The following CCDC180 variants were observed in gnomAD, a reference collection of about 807,000 sequenced individuals.
CCDC180 encodes coiled-coil domain-containing protein 180.
A neutral mutation model predicts 209.2 loss-of-function variants in CCDC180; 154 were observed. That is an observed-to-expected ratio of 0.74 (90% CI 0.65 to 0.84). CCDC180 has a LOEUF of 0.84. Ranked by LOEUF, CCDC180 falls within the 40% of genes least tolerant of loss-of-function variation. The pLI is 0.00. For missense variants in CCDC180, 1,874 were observed against 1,997.3 expected (o/e 0.94, Z 1.18); for synonymous variants, 778 against 749.1 (o/e 1.04, Z -0.63).
intron 22 of CCDC180, 97 bp from the exon 23 acceptor site, chr9:97,354,472 A>G (rs1826510351): frequency 2.5e-6 from 3 of 1,218,438 alleles, no homozygotes; most frequent in Non-Finnish European, 3.6e-6. Flanking sequence ...TCTAACCGGA[A>G]GCCTAGATTA....
At chr9:97,370,260 T>G (rs1827042743) in intron 32 of CCDC180, among the ~76,000 whole-genome samples, 178 bp downstream of exon 32, 1 of 152,096 alleles carries the variant, frequency 6.6e-6, no homozygotes, top group Non-Finnish European at 1.5e-5. Context: ...GCCAACAGCT[T>G]CTACATAGAA....
Position 97,318,559 on chromosome 9 carries a change from G to A in CCDC180, c.1056G>A (p.Arg352=), listed in dbSNP as rs746336036. 1.9e-6 allele frequency: 3 copies of A among 1,613,132 alleles called. No individual in the cohort carries two copies. The African/African-American group carries it at 4.0e-5, about 22-fold the overall frequency. Residue 352 remains arginine, a synonymous_variant, in exon 10 of 37, where the codon CGG becomes CGA. Coordinates refer to ENST00000529487, the MANE Select transcript of CCDC180 (RefSeq NM_020893.6). ...LKTQNVLQQR[R]LKHLCTICDL... is the part of the protein sequence containing the mutation. ...CCCAGAACGTCCTGCAGCAAAGGCG[G>A]CTGAAGCATCTCTGCACCATCTGGT...
chr9:97,315,591 C>G (rs902968696), intron 8 of CCDC180, among the ~76,000 whole-genome samples: 5 of 152,216 alleles, frequency 3.3e-5, no homozygotes, highest in African/African-American at 1.2e-4. Flanking sequence ...AGAGAGGACT[C>G]CTCTTTTGGC....
chr9:97,330,539 G>A lies in CCDC180; in HGVS notation c.2046G>A (p.Met682Ile). 1 of 1,614,132 alleles carries A rather than the reference G, an allele frequency of 6.2e-7. No homozygotes were observed. ...QQKKSPLHAK[M>I]DESKEGSIQG... ...AAAAATCTCCACTGCATGCTAAGATGGATGAGTCCAAAGAAGGCTCTATTC... is the reference window on the plus strand; with the variant it reads ...AAAAATCTCCACTGCATGCTAAGATAGATGAGTCCAAAGAAGGCTCTATTC... Residue 682 changes from methionine to isoleucine, a missense_variant, in exon 18 of 37, where the codon ATG (methionine) becomes ATA (isoleucine). Physicochemically the swap from Met to Ile is conservative, Grantham distance 10 (BLOSUM62 1). Transcript: ENST00000529487.
At chr9:97,319,925 A>C (rs905742942) in intron 10 of CCDC180, among the ~76,000 whole-genome samples, 14 of 152,162 alleles carry the variant, frequency 9.2e-5, no homozygotes, top group African/African-American at 3.1e-4. Context: ...CTAAGTAACA[A>C]ATTCGTTACT....
chr9:97,366,707 A>T lies in CCDC180; in HGVS notation c.4189+7A>T. 1 of 1,613,868 alleles carries T rather than the reference A, an allele frequency of 6.2e-7. No homozygotes were observed. The highest frequency in any genetic ancestry group is 1.3e-5 in the African/African-American group (1 of 75,036). ...CACAACTCCTGCCTCATAGGTGAGT[A>T]TAGGCAGCAGGAAGGCACGGGGAAC... On this transcript the variant is annotated splice_region_variant and intron_variant, in intron 31 of 36. Coordinates refer to ENST00000529487, the MANE Select transcript of CCDC180 (RefSeq NM_020893.6). The surrounding 1 kb of genome is among the most constrained non-coding windows in gnomAD (Gnocchi z 4.3).
chr9:97,330,444 G>A lies in CCDC180; in HGVS notation c.1951G>A (p.Glu651Lys). 6.2e-7 allele frequency: 1 copy of A among 1,614,196 alleles called. No homozygotes were observed. The highest frequency in any genetic ancestry group is 8.5e-7 in the Non-Finnish European group (1 of 1,180,042). ...TGGGACAAGTACTGCCAGGTCAGTA[G>A]AAGAGGTGGAAGAAGAAAACGATCA... ...SSGTSTARSVEEVEEENDQEM... is the reference protein window; with the variant it reads ...SSGTSTARSVKEVEEENDQEM... The change falls in exon 18 of 37, where the codon GAA becomes AAA. Residue 651 changes from glutamate (E) to lysine (K), a missense_variant. Coordinates refer to ENST00000529487, the MANE Select transcript of CCDC180 (RefSeq NM_020893.6).
In CCDC180 at chr9:97,365,865, T is replaced by TC. The variant is rs148144964; in HGVS notation, c.4047+130dup. 2,180 of 773,778 alleles carry TC rather than the reference T, an allele frequency of 2.8e-3. 31 individuals carry two copies. In the African/African-American group the frequency reaches 0.033, roughly 12 times the overall value. The allele number at this position is 773,778 out of a possible 1,614,324, so 47.9% of individuals were successfully genotyped here. A position where few individuals can be genotyped will look rare whatever the true frequency, so the allele number is the denominator to read the frequency against. ...ATTCCACCCCCGCCATGACCACAGC[T>TC]CCCCAGCTTCTGTCACCTCCCTATG... On this transcript the variant is annotated intron_variant, in intron 30 of 36. Transcript: ENST00000529487.
At chr9:97,349,404 A>G in intron 21 of CCDC180, 113 bp downstream of exon 21, 1 of 853,656 alleles carries the variant, frequency 1.2e-6, no homozygotes, top group Non-Finnish European at 1.8e-6. Flanking sequence ...AGGCACCTCC[A>G]GAGCCTTCTT....
intron 28 of CCDC180, 145 bp downstream of exon 28, chr9:97,362,586 GT>G (rs1295393808): frequency 8.2e-7 from 1 of 1,219,114 alleles, no homozygotes. Flanking sequence ...GCAGTGAGGG[GT>G]GAGCGCCATC....
chr9:97,366,804 G>A lies in CCDC180; in HGVS notation c.4189+104G>A. ...GCCTGGATCCTCCCCTCTGGGGGAG[G>A]CAGAAGAGCTTCCCTGTGAAAAGCT... On this transcript the variant is annotated intron_variant, in intron 31 of 36. Coordinates refer to ENST00000529487, the MANE Select transcript of CCDC180 (RefSeq NM_020893.6). This position sits in a 1 kb window ranked among gnomAD's most constrained non-coding sequence, Gnocchi z 4.3. 1.6e-6 allele frequency: 2 copies of A among 1,231,452 alleles called. No homozygotes were observed. The highest frequency in any genetic ancestry group is 1.5e-5 in the African/African-American group (1 of 66,016). 76.3% of individuals were successfully genotyped at this position (1,231,452 alleles called of 1,614,324 possible). A position where few individuals can be genotyped will look rare whatever the true frequency, so the allele number is the denominator to read the frequency against.
At chr9:97,346,048 C>T (rs974042088) in intron 19 of CCDC180, among the ~76,000 whole-genome samples, 2 of 152,064 alleles carry the variant, frequency 1.3e-5, no homozygotes, top group Non-Finnish European at 2.9e-5. Flanking sequence ...TTTTTGTTTA[C>T]GGTGTGAAAT....
chr9:97,307,765 G>T lies in CCDC180; in HGVS notation c.-123G>T, dbSNP rs755721446. 2 of 1,614,184 alleles carry T rather than the reference G, an allele frequency of 1.2e-6. No individual in the cohort carries two copies. The highest frequency in any genetic ancestry group is 1.7e-6 in the Non-Finnish European group (2 of 1,180,030). On this transcript the variant is annotated 5_prime_UTR_variant, in exon 1 of 37. Coordinates refer to ENST00000529487, the MANE Select transcript of CCDC180 (RefSeq NM_020893.6). The stretch of plus-strand genomic sequence containing the variant: ...CCTTCGGATTTGCGCCATGCGCGGC[G>T]GGGAGAACCGGCCTCCTGCTCGAGT...
At chr9:97,365,763 G>GT in intron 30 of CCDC180, 24 bp downstream of exon 30, 1 of 1,611,336 alleles carries the variant, frequency 6.2e-7, no homozygotes, top group South Asian at 1.1e-5. Flanking sequence ...CCCATGGCCT[G>GT]TGCCTGCCCT....
At chr9:97,311,535 T>C (rs1220312179) in intron 3 of CCDC180, among the ~76,000 whole-genome samples, 1 of 152,190 alleles carries the variant, frequency 6.6e-6, no homozygotes, top group Non-Finnish European at 1.5e-5. Flanking sequence ...TCCACCCTGC[T>C]GGTCCTCCCT....
chr9:97,330,116 G>A (rs763387824), intron 16 of CCDC180, 38 bp from the exon 17 acceptor site: 2 of 1,519,886 alleles, frequency 1.3e-6, no homozygotes, highest in Admixed American at 1.7e-5. Context: ...AAGAAAGGCA[G>A]TGCAGGTCCT....
chr9:97,342,355 T>C (rs971371342), intron 18 of CCDC180, among the ~76,000 whole-genome samples: 3 of 152,214 alleles, frequency 2.0e-5, no homozygotes, highest in African/African-American at 7.2e-5. Flanking sequence ...GGTTTCACCA[T>C]GTTTCCCAGG....
Position 97,361,712 on chromosome 9 carries a change from T to C in CCDC180, c.3484-14T>C. 6.2e-7 allele frequency: 1 copy of C among 1,613,334 alleles called. No homozygotes were observed. The stretch of plus-strand genomic sequence containing the variant: ...TGGTCCTTACACCCTCAGGCCCTTC[T>C]CTCTGGCCTGCAGAACACCATCCTG... On this transcript the variant is annotated splice_polypyrimidine_tract_variant and intron_variant, in intron 26 of 36. Coordinates refer to ENST00000529487, the MANE Select transcript of CCDC180 (RefSeq NM_020893.6).
At chr9:97,355,409 A>G (rs1033676452) in intron 24 of CCDC180, among the ~76,000 whole-genome samples, 3 of 151,438 alleles carry the variant, frequency 2.0e-5, no homozygotes, top group Non-Finnish European at 2.9e-5. Context: ...TCCTGCCTCA[A>G]CCTCCCAAAG....
Sources: gnomAD v4.1 joint callset for allele counts (sites outside exome capture counted in the v4.1 genomes callset) on GRCh38, gnomAD v4.1.1 for gene constraint, Gnocchi (gnomAD v3.1) non-coding constraint, MANE v1.5 for transcripts, NCBI Gene and HGNC (gene_info 2026-07-23, HGNC 2026-07-21) for gene names.